ZRANB3: variants seen among roughly 807,000 people sequenced by gnomAD.
The protein encoded by ZRANB3 is DNA annealing helicase and endonuclease ZRANB3.
In ZRANB3, 125 loss-of-function variants were observed where a neutral mutation model predicts 133.8. The ratio of observed to expected loss-of-function variants is 0.93; its 90% CI spans 0.81 to 1.08. The LOEUF is 1.08. Among genes scored for constraint, ZRANB3 ranks in the 50% least tolerant of loss-of-function variants. The probability of loss-of-function intolerance (pLI) is 0.00; values close to 1 mark genes in which losing one functional copy is unlikely to be tolerated. For synonymous variants in ZRANB3, 387 were observed against 432.7 expected, an observed-to-expected ratio of 0.89 and a Z score of 1.31; for missense variants, 1,229 against 1,275.5, an observed-to-expected ratio of 0.96 and a Z score of 0.56.
intron 12 of ZRANB3, among the ~76,000 whole-genome samples, chr2:135,239,723 T>A (rs1029676098): frequency 6.6e-6 from 1 of 150,882 alleles, no homozygotes; most frequent in Admixed American, 6.6e-5. Context: ...GCATGGTGGC[T>A]CATGCTTGTA....
intron 2 of ZRANB3, among the ~76,000 whole-genome samples, chr2:135,465,291 T>C (rs906312861): frequency 2.7e-5 from 4 of 148,034 alleles, no homozygotes; most frequent in Admixed American, 6.9e-5. Context: ...GGTTACCTAA[T>C]TTTGTCATTA....
chr2:135,264,338 G>C (rs1164064284), intron 12 of ZRANB3, among the ~76,000 whole-genome samples: 3 of 151,618 alleles, frequency 2.0e-5, no homozygotes, highest in Non-Finnish European at 4.4e-5. Flanking sequence ...CAGGCATGGT[G>C]GTGGGCACCT....
In ZRANB3 at chr2:135,353,580, T is replaced by A; in HGVS notation, c.229A>T (p.Lys77Ter). 1 of 1,601,748 alleles carries A rather than the reference T, an allele frequency of 6.2e-7. No homozygotes were observed. Among genetic ancestry groups the A allele is most frequent in the Non-Finnish European group, 8.5e-7 (1 of 1,173,150 alleles). ...ACTATTAACAGAGGCCATTCCTCTT[T>A]ATAGAAGTAAGTAATTCCAATTGCC... ...IQAIGITYFY[K>*]EEWPLLIVVP... Residue 77 changes from lysine (K) to a stop codon, truncating the protein, a stop_gained, in exon 4 of 21, where the codon AAA becomes TAA. Coordinates refer to ENST00000264159, the MANE Select transcript of ZRANB3 (RefSeq NM_032143.4). LOFTEE classifies it high-confidence loss of function.
intron 16 of ZRANB3, 38 bp downstream of exon 16, chr2:135,219,039 A>T: frequency 7.8e-7 from 1 of 1,274,866 alleles, no homozygotes; most frequent in Non-Finnish European, 1.0e-6. Flanking sequence ...AAGTTTATTT[A>T]AAGTAAATAA....
rs111536108 is a variant in ZRANB3 at position 135,286,892 on chromosome 2, C to T, written c.967-11137G>A. On this transcript the variant is annotated intron_variant, in intron 8 of 20. Coordinates refer to ENST00000264159, the MANE Select transcript of ZRANB3 (RefSeq NM_032143.4). ...GGTTGTCTGTTTACTCTGCTGACTG[C>T]TCCTTTTGCTGTGCAGAAGCTTTTA... 3.0e-3 allele frequency among the ~76,000 whole-genome samples: 452 copies of T among 152,254 alleles called. 3 individuals carry two copies. The highest frequency in any genetic ancestry group is 0.01 in the African/African-American group (421 of 41,552).
At chr2:135,298,080 T>C (rs972753287) in intron 8 of ZRANB3, among the ~76,000 whole-genome samples, 2 of 151,928 alleles carry the variant, frequency 1.3e-5, no homozygotes, top group African/African-American at 4.8e-5. Context: ...ATACAAAAAT[T>C]AGCTGGGTGT....
At chr2:135,232,079 G>A (rs1037361325) in intron 12 of ZRANB3, among the ~76,000 whole-genome samples, 1 of 152,122 alleles carries the variant, frequency 6.6e-6, no homozygotes, top group African/African-American at 2.4e-5. Flanking sequence ...TGGAAAATCG[G>A]GTCACTCCCA....
At chr2:135,283,401 G>C (rs1227342484) in intron 8 of ZRANB3, among the ~76,000 whole-genome samples, 1 of 152,154 alleles carries the variant, frequency 6.6e-6, no homozygotes, top group African/African-American at 2.4e-5. Flanking sequence ...ACGAGGTCAG[G>C]AGATCGAGAC....
At chr2:135,203,041 T>A in intron 19 of ZRANB3, 78 bp from the exon 20 acceptor site, 1 of 1,516,906 alleles carries the variant, frequency 6.6e-7, no homozygotes, top group Non-Finnish European at 9.0e-7. Context: ...TGTGCAATCA[T>A]GTATGTTTAT....
At chr2:135,393,353 G>T (rs528437770) in intron 2 of ZRANB3, among the ~76,000 whole-genome samples, 1 of 151,508 alleles carries the variant, frequency 6.6e-6, no homozygotes, top group African/African-American at 2.4e-5. Context: ...AAAGCAAAAC[G>T]AGAACATGAA....
At chr2:135,211,103 T>C (rs1369547339) in intron 17 of ZRANB3, among the ~76,000 whole-genome samples, 1 of 152,200 alleles carries the variant, frequency 6.6e-6, no homozygotes, top group Non-Finnish European at 1.5e-5. Flanking sequence ...GCCTTTTATT[T>C]ACTTACTTTT....
intron 12 of ZRANB3, among the ~76,000 whole-genome samples, chr2:135,252,357 T>C (rs1198980032): frequency 6.6e-6 from 1 of 151,866 alleles, no homozygotes; most frequent in African/African-American, 2.4e-5. Flanking sequence ...AGTTAAAAAA[T>C]ATAAAGAAAA....
intron 2 of ZRANB3, among the ~76,000 whole-genome samples, chr2:135,432,708 A>C (rs1404303276): frequency 6.6e-6 from 1 of 152,200 alleles, no homozygotes; most frequent in Non-Finnish European, 1.5e-5. Context: ...AGCTGGCCCA[A>C]ACAGGAACGT....
At chr2:135,511,063 G>C in intron 1 of ZRANB3, 1 of 773,116 alleles carries the variant, frequency 1.3e-6, no homozygotes, top group Non-Finnish European at 2.4e-6. Context: ...GGTTTCTGTG[G>C]TGGAATCTGA....
rs543961742 is a variant in ZRANB3 at position 135,459,164 on chromosome 2, C to T, written c.161+45165G>A. 9.8e-4 allele frequency among the ~76,000 whole-genome samples: 149 copies of T among 152,230 alleles called. 1 individual carries two copies. Among genetic ancestry groups the T allele is most frequent in the African/African-American group, 3.1e-3 (128 of 41,556 alleles). ...ACTCCCAGACTGTCACAGTTCAGACCGGCCTAATACTGTATTAATGGAATT... is the reference window on the plus strand; with the variant it reads ...ACTCCCAGACTGTCACAGTTCAGACTGGCCTAATACTGTATTAATGGAATT... On this transcript the variant is annotated intron_variant, in intron 2 of 20. Coordinates refer to ENST00000264159, the MANE Select transcript of ZRANB3 (RefSeq NM_032143.4).
intron 1 of ZRANB3, among the ~76,000 whole-genome samples, chr2:135,505,432 G>C (rs1265593590): frequency 6.6e-6 from 1 of 151,960 alleles, no homozygotes; most frequent in African/African-American, 2.4e-5. Context: ...AAATTAGCTG[G>C]GCGTGGTGGC....
intron 3 of ZRANB3, among the ~76,000 whole-genome samples, chr2:135,356,784 T>G (rs1442285709): frequency 6.6e-6 from 1 of 152,160 alleles, no homozygotes; most frequent in African/African-American, 2.4e-5. Context: ...CGTGGCTCAC[T>G]GCAGCCTCGA....
intron 10 of ZRANB3, among the ~76,000 whole-genome samples, chr2:135,270,681 T>A (rs979589000): frequency 5.9e-5 from 9 of 152,202 alleles, no homozygotes; most frequent in Admixed American, 5.9e-4. Context: ...ACCCTCCTTT[T>A]GGTTAGAACT....
intron 8 of ZRANB3, among the ~76,000 whole-genome samples, chr2:135,300,288 T>C (rs1682365339): frequency 6.6e-6 from 1 of 152,206 alleles, no homozygotes; most frequent in South Asian, 2.1e-4. Flanking sequence ...ATCCTATAAG[T>C]AGCTGCATAT....
Sources: gnomAD v4.1 joint callset for allele counts (sites outside exome capture counted in the v4.1 genomes callset) on GRCh38, gnomAD v4.1.1 for gene constraint, MANE v1.5 for transcripts, NCBI Gene and HGNC (gene_info 2026-07-23, HGNC 2026-07-21) for gene names.